The following PRKCI variants were observed in gnomAD, a reference collection of about 807,000 sequenced individuals.
PRKCI encodes the protein protein kinase C iota, also known as protein kinase C iota type.
A neutral mutation model predicts 84.0 loss-of-function variants in PRKCI; 43 were observed. The ratio of observed to expected loss-of-function variants is 0.51; its 90% CI spans 0.40 to 0.66. The LOEUF (loss-of-function observed/expected upper bound fraction) is 0.66. Among genes scored for constraint, PRKCI ranks in the 30% least tolerant of loss-of-function variants. The probability of loss-of-function intolerance (pLI) is 0.00; values close to 1 mark genes in which losing one functional copy is unlikely to be tolerated. For missense variants in PRKCI, 459 were observed against 745.6 expected, an observed-to-expected ratio of 0.62 and a Z score of 4.48; for synonymous variants, 216 against 234.4, an observed-to-expected ratio of 0.92 and a Z score of 0.72.
chr3:170,226,672 G>C (rs1029763635), intron 1 of PRKCI, among the ~76,000 whole-genome samples: 7 of 152,110 alleles, frequency 4.6e-5, no homozygotes, highest in African/African-American at 1.4e-4. Context: ...GAAGTATGTA[G>C]GATTTTTCTT....
intron 1 of PRKCI, among the ~76,000 whole-genome samples, chr3:170,231,387 G>T (rs549214344): frequency 1.8e-4 from 28 of 152,170 alleles, no homozygotes; most frequent in Non-Finnish European, 3.5e-4. Flanking sequence ...AACTGTCTTA[G>T]AATTTTTAAG....
At chr3:170,264,882 A>G (rs1173083513) in intron 4 of PRKCI, among the ~76,000 whole-genome samples, 2 of 152,170 alleles carry the variant, frequency 1.3e-5, no homozygotes, top group Non-Finnish European at 2.9e-5. Flanking sequence ...TCACCTGAGA[A>G]CTGAATAGAA....
chr3:170,298,881 A>G, intron 16 of PRKCI, 114 bp from the exon 17 acceptor site: 1 of 690,252 alleles, frequency 1.4e-6, no homozygotes, highest in East Asian at 2.9e-5. Flanking sequence ...ATATCATTGA[A>G]CCATGCTTCA....
chr3:170,224,866 C>T (rs1415048955), intron 1 of PRKCI, among the ~76,000 whole-genome samples: 1 of 152,192 alleles, frequency 6.6e-6, no homozygotes, highest in Non-Finnish European at 1.5e-5. Context: ...ATCATCTTCT[C>T]CAATGAGTCT....
intron 12 of PRKCI, among the ~76,000 whole-genome samples, chr3:170,289,738 C>A (rs1734492563): frequency 6.6e-6 from 1 of 152,042 alleles, no homozygotes; most frequent in South Asian, 2.1e-4. Context: ...CATGGTGAAA[C>A]CCCGTCACTA....
intron 17 of PRKCI, among the ~76,000 whole-genome samples, chr3:170,302,008 C>T (rs1402149785): frequency 1.3e-5 from 2 of 152,188 alleles, no homozygotes; most frequent in African/African-American, 2.4e-5. Context: ...ATTATTGTCT[C>T]TGCTTCTGCC....
At chr3:170,277,191 A>G (rs142887045) in intron 8 of PRKCI, among the ~76,000 whole-genome samples, 206 of 151,938 alleles carry the variant, frequency 1.4e-3, no homozygotes, top group African/African-American at 4.9e-3. Flanking sequence ...GGAGATTACA[A>G]TGAGCCAAGA....
chr3:170,262,245 T>G (rs1733746589), intron 3 of PRKCI, among the ~76,000 whole-genome samples: 1 of 152,216 alleles, frequency 6.6e-6, no homozygotes, highest in African/African-American at 2.4e-5. Flanking sequence ...TGGTGTTAAT[T>G]TATTCCTAAG....
chr3:170,274,257 G>A (rs1255690787), intron 7 of PRKCI, among the ~76,000 whole-genome samples: 3 of 152,080 alleles, frequency 2.0e-5, no homozygotes, highest in African/African-American at 7.2e-5. Flanking sequence ...TCAGCCTCCT[G>A]AGCATCTGGG....
chr3:170,246,514 A>C (rs1332094428), intron 2 of PRKCI, among the ~76,000 whole-genome samples: 1 of 151,730 alleles, frequency 6.6e-6, no homozygotes, highest in Non-Finnish European at 1.5e-5. Context: ...GGCTGGTCTC[A>C]AAACTCCTAA....
At chr3:170,239,875 C>T (rs555386808) in intron 2 of PRKCI, among the ~76,000 whole-genome samples, 28 of 152,036 alleles carry the variant, frequency 1.8e-4, no homozygotes, top group African/African-American at 5.3e-4. Flanking sequence ...TGGCTGAGTG[C>T]GGTGGCTCAT....
At chr3:170,272,818 T>C (rs1734033327) in intron 6 of PRKCI, among the ~76,000 whole-genome samples, 1 of 152,216 alleles carries the variant, frequency 6.6e-6, no homozygotes, top group Non-Finnish European at 1.5e-5. Context: ...ATTTCTTTTC[T>C]CTTTTTTGGG....
At chr3:170,273,387 T>G (rs766300923) in intron 7 of PRKCI, 47 bp downstream of exon 7, 16 of 1,561,938 alleles carry the variant, frequency 1.0e-5, no homozygotes, top group African/African-American at 1.4e-5. Context: ...CAGAGTAGCA[T>G]GTAAAGACTT....
intron 14 of PRKCI, among the ~76,000 whole-genome samples, chr3:170,294,057 T>C (rs971772205): frequency 6.6e-6 from 1 of 152,160 alleles, no homozygotes; most frequent in Non-Finnish European, 1.5e-5. Flanking sequence ...ACAGTTACCT[T>C]CTCATACTCA....
intron 12 of PRKCI, among the ~76,000 whole-genome samples, chr3:170,285,848 C>T (rs1019454624): frequency 3.3e-5 from 5 of 151,148 alleles, no homozygotes; most frequent in African/African-American, 9.7e-5. Context: ...GGATTCAAGC[C>T]GTTCTCCAGC....
In PRKCI at chr3:170,223,800, A is replaced by C. The variant is rs185742569; in HGVS notation, c.101+1030A>C. ...CAGTGCTAGGTTGAAATTTTAATGC[A>C]TACTTTTACATTCCTGAGAGGATCA... On this transcript the variant is annotated intron_variant, in intron 1 of 17. Coordinates refer to ENST00000295797, the MANE Select transcript of PRKCI (RefSeq NM_002740.6). 2.9e-3 allele frequency among the ~76,000 whole-genome samples: 446 copies of C among 152,282 alleles called. 1 individual carries two copies. The highest frequency in any genetic ancestry group is 9.7e-3 in the African/African-American group (403 of 41,556).
At chr3:170,240,021 G>A (rs997038051) in intron 2 of PRKCI, among the ~76,000 whole-genome samples, 2 of 151,948 alleles carry the variant, frequency 1.3e-5, no homozygotes, top group African/African-American at 4.8e-5. Context: ...AGTTAGCTGG[G>A]CATGGTGGTA....
chr3:170,294,351 T>A (rs1332216851), intron 14 of PRKCI, among the ~76,000 whole-genome samples: 4 of 152,228 alleles, frequency 2.6e-5, no homozygotes, highest in African/African-American at 9.6e-5. Context: ...AAATTCTACA[T>A]TTAATAATTA....
intron 1 of PRKCI, among the ~76,000 whole-genome samples, chr3:170,224,356 G>A (rs1317891237): frequency 1.3e-5 from 2 of 151,878 alleles, no homozygotes; most frequent in African/African-American, 4.8e-5. Flanking sequence ...ACCAAGAAAC[G>A]TGTGGATATT....
Sources: allele counts gnomAD v4.1 joint callset (sites outside exome capture counted in the v4.1 genomes callset), GRCh38; gene constraint gnomAD v4.1.1; transcripts MANE v1.5; gene names NCBI Gene and HGNC (gene_info 2026-07-23, HGNC 2026-07-21).